Variants in RBMS2 observed in about 807,000 individuals in gnomAD.
RBMS2 encodes the protein RNA binding motif single stranded interacting protein 2, also known as RNA-binding motif, single-stranded-interacting protein 2.
Under a neutral mutation model 58.4 loss-of-function variants are expected in RBMS2, and 38 were observed. The ratio of observed to expected loss-of-function variants is 0.65; its 90% confidence interval spans 0.50 to 0.85. The LOEUF (loss-of-function observed/expected upper bound fraction) is 0.85, where lower values mean the gene tolerates loss of function less well. Among genes scored for constraint, RBMS2 ranks in the 40% least tolerant of loss-of-function variants. RBMS2 has a pLI of 0.00. For synonymous variants in RBMS2, 151 were observed against 180.7 expected (o/e 0.84, Z 1.32); for missense variants, 367 against 503.7 (o/e 0.73, Z 2.60).
intron 12 of RBMS2, 74 bp from the exon 13 acceptor site, chr12:56,588,858 C>A: frequency 6.8e-7 from 1 of 1,459,892 alleles, no homozygotes; most frequent in Admixed American, 1.7e-5. Flanking sequence ...GTAGGGTGGG[C>A]TTTGGTCAGG....
chr12:56,565,971 C>T (rs891462631), intron 2 of RBMS2, among the ~76,000 whole-genome samples: 1 of 152,014 alleles, frequency 6.6e-6, no homozygotes, highest in African/African-American at 2.4e-5. Flanking sequence ...ACCCTGGGGC[C>T]TTCATAAGGA....
intron 5 of RBMS2, among the ~76,000 whole-genome samples, chr12:56,579,746 A>C (rs1219440758): frequency 6.6e-6 from 1 of 152,148 alleles, no homozygotes; most frequent in Non-Finnish European, 1.5e-5. Context: ...ATACTGAGTT[A>C]ATTTAAATAT....
intron 1 of RBMS2, among the ~76,000 whole-genome samples, chr12:56,545,000 A>G (rs935872587): frequency 2.0e-5 from 3 of 151,982 alleles, no homozygotes; most frequent in Admixed American, 2.0e-4. Context: ...CTGAGATTTT[A>G]GTGCACCTGT....
chr12:56,554,031 G>T (rs1337435549), intron 1 of RBMS2, among the ~76,000 whole-genome samples: 1 of 151,124 alleles, frequency 6.6e-6, no homozygotes, highest in East Asian at 2.0e-4. Context: ...CAGCATGTTG[G>T]CCAGGCTGGT....
intron 1 of RBMS2, among the ~76,000 whole-genome samples, chr12:56,545,785 A>G (rs1429619671): frequency 1.3e-5 from 2 of 152,182 alleles, no homozygotes; most frequent in African/African-American, 4.8e-5. Flanking sequence ...GGCTGAATAA[A>G]TATTTCATCA....
chr12:56,581,343 G>C, intron 6 of RBMS2, 56 bp from the exon 7 acceptor site: 1 of 1,596,716 alleles, frequency 6.3e-7, no homozygotes, highest in Non-Finnish European at 8.6e-7. Flanking sequence ...TTGCATGACT[G>C]TGCCTGGGCC....
At chr12:56,573,845 T>C (rs912911682) in intron 5 of RBMS2, among the ~76,000 whole-genome samples, 5 of 151,818 alleles carry the variant, frequency 3.3e-5, no homozygotes, top group African/African-American at 1.2e-4. Context: ...TTTGTTGTTG[T>C]TGTTGTTGTT....
intron 3 of RBMS2, among the ~76,000 whole-genome samples, 172 bp downstream of exon 3, chr12:56,569,205 G>T (rs1197485988): frequency 6.6e-6 from 1 of 152,226 alleles, no homozygotes; most frequent in Middle Eastern, 3.2e-3. Context: ...CAGATAGCTA[G>T]AGCTGAAAAT....
Position 56,529,451 on chromosome 12 carries a change from C to A in RBMS2, c.66+7362C>A, listed in dbSNP as rs186641098. ...GTGTGCAACACACCTGTAGCCCCAG[C>A]TACTCGGAAGGCTGAGGTGGTAGGA... On this transcript the variant is annotated intron_variant, in intron 1 of 13. Transcript: ENST00000262031. 3.8e-3 allele frequency among the ~76,000 whole-genome samples: 574 copies of A among 151,818 alleles called. 18 individuals carry two copies. The highest frequency in any genetic ancestry group is 0.033 in the Admixed American group (506 of 15,242).
chr12:56,579,603 C>T (rs1883624110), intron 5 of RBMS2, among the ~76,000 whole-genome samples: 1 of 148,186 alleles, frequency 6.7e-6, no homozygotes, highest in African/African-American at 2.5e-5. Context: ...CACTGCACTC[C>T]AGCCTGGGCG....
At chr12:56,587,136 G>A (rs1437365269) in intron 10 of RBMS2, among the ~76,000 whole-genome samples, 3 of 152,090 alleles carry the variant, frequency 2.0e-5, no homozygotes, top group East Asian at 1.9e-4. Flanking sequence ...GTGTAGTGGC[G>A]GGTGCCTGTA....
intron 1 of RBMS2, among the ~76,000 whole-genome samples, chr12:56,536,076 C>T (rs898315983): frequency 7.3e-5 from 11 of 151,504 alleles, no homozygotes; most frequent in East Asian, 2.0e-4. Context: ...TGGCGCACAC[C>T]GTAATCCCAG....
At chr12:56,523,976 G>T (rs949589525) in intron 1 of RBMS2, among the ~76,000 whole-genome samples, 1 of 151,782 alleles carries the variant, frequency 6.6e-6, no homozygotes, top group Non-Finnish European at 1.5e-5. Context: ...TTCCCTCCTA[G>T]TTCTCTCAGG....
rs1423672327 is a variant in RBMS2 at position 56,562,547 on chromosome 12, G to A, written c.197G>A (p.Gly66Asp). The change falls in exon 2 of 14, where the codon GGC becomes GAC. Residue 66 changes from glycine to aspartate, a missense_variant. Around this residue, in one of 3 missense-constraint regions of RBMS2, gnomAD observed 93 missense variants for 132.2 expected, o/e 0.70. Transcript: ENST00000262031. ...TNLYIRGLQPGTTDQDLVKLC... is the reference protein window; with the variant it reads ...TNLYIRGLQPDTTDQDLVKLC... ...CTATACATCCGAGGATTGCAACCAG[G>A]CACTACTGACCAAGATCTTGTCAAG... is the stretch of plus-strand genomic sequence containing the variant. The A allele has an allele frequency of 2.5e-6, 4 of 1,613,476 alleles. No homozygotes were observed. The highest frequency in any genetic ancestry group is 3.4e-6 in the Non-Finnish European group (4 of 1,179,396).
At chr12:56,577,834 C>T (rs906752731) in intron 5 of RBMS2, among the ~76,000 whole-genome samples, 7 of 152,048 alleles carry the variant, frequency 4.6e-5, no homozygotes, top group East Asian at 1.9e-4. Context: ...TGGCACATGC[C>T]GCCACGCCCG....
intron 1 of RBMS2, among the ~76,000 whole-genome samples, chr12:56,559,210 C>T (rs548846007): frequency 9.3e-5 from 14 of 150,922 alleles, no homozygotes; most frequent in South Asian, 6.3e-4. Flanking sequence ...GACAGAGTCT[C>T]GCTCTGTTGC....
rs142572875 is a variant in RBMS2, at chr12:56,552,358, A to G, written c.67-10059A>G. ...ACAGAAAAGGAAACTTTGATTGATT[A>G]TTCAAATTCAAAGCAGGATGCTAGG... is the stretch of plus-strand genomic sequence containing the variant. On this transcript the variant is annotated intron_variant, in intron 1 of 13. Coordinates refer to ENST00000262031, the MANE Select transcript of RBMS2 (RefSeq NM_002898.4). Among the ~76,000 whole-genome samples, 319 of 152,332 alleles carry G rather than the reference A, an allele frequency of 2.1e-3. 4 individuals carry two copies. Among genetic ancestry groups the G allele is most frequent in the Non-Finnish European group, 3.7e-4 (25 of 68,034 alleles).
chr12:56,577,564 T>A (rs1251153009), intron 5 of RBMS2, among the ~76,000 whole-genome samples: 2 of 151,748 alleles, frequency 1.3e-5, no homozygotes, highest in Non-Finnish European at 2.9e-5. Context: ...AGCCTTGACC[T>A]TCTGGGCTCA....
At chr12:56,556,932 GC>G (rs1649745854) in intron 1 of RBMS2, among the ~76,000 whole-genome samples, 1 of 152,050 alleles carries the variant, frequency 6.6e-6, no homozygotes, top group African/African-American at 2.4e-5. Flanking sequence ...ACAATTTTCT[GC>G]CTTTATGGAG....
Sources: allele counts gnomAD v4.1 joint callset (sites outside exome capture counted in the v4.1 genomes callset), GRCh38; gene constraint gnomAD v4.1.1; regional missense constraint gnomAD v4.1.1; transcripts MANE v1.5; gene names NCBI Gene and HGNC (gene_info 2026-07-23, HGNC 2026-07-21).